Variants in FHIT observed in about 807,000 individuals in gnomAD.
FHIT encodes bis(5'-adenosyl)-triphosphatase.
FHIT carries 19 observed loss-of-function variants against 17.9 expected under a neutral mutation model. The ratio of observed to expected loss-of-function variants is 1.06; its 90% confidence interval spans 0.74 to 1.56. The LOEUF (loss-of-function observed/expected upper bound fraction) is 1.56. Ranked by LOEUF, FHIT falls within the 40% of genes most tolerant of loss-of-function variation. FHIT has a pLI of 0.00. For synonymous variants in FHIT, 81 were observed against 69.7 expected, an observed-to-expected ratio of 1.16 and a Z score of -0.81; for missense variants, 248 against 189.2, an observed-to-expected ratio of 1.31 and a Z score of -1.82.
chr3:60,722,519 C>T (rs1553708297), intron 4 of FHIT, among the ~76,000 whole-genome samples: 1 of 152,024 alleles, frequency 6.6e-6, no homozygotes, highest in Non-Finnish European at 1.5e-5. Context: ...GACACTTTGG[C>T]CTAGGTCATT....
intron 2 of FHIT, among the ~76,000 whole-genome samples, chr3:61,174,207 T>C (rs926084268): frequency 3.3e-5 from 5 of 152,190 alleles, no homozygotes; most frequent in African/African-American, 1.2e-4. Flanking sequence ...TTAAGTAACA[T>C]AAAAACTGAT....
At chr3:60,395,846 T>C (rs552212107) in intron 5 of FHIT, among the ~76,000 whole-genome samples, 3 of 152,286 alleles carry the variant, frequency 2.0e-5, no homozygotes, top group African/African-American at 4.8e-5. Context: ...CAATTATCAA[T>C]TGCCATTTTT....
intron 5 of FHIT, among the ~76,000 whole-genome samples, chr3:60,358,966 G>T (rs140473825): frequency 0.012 from 1,857 of 152,276 alleles, 32 homozygotes; most frequent in African/African-American, 0.043. Context: ...TCTATAGGAG[G>T]TGTTGAGGGC....
intron 8 of FHIT, among the ~76,000 whole-genome samples, chr3:59,839,331 A>C (rs1036753561): frequency 7.0e-6 from 1 of 143,344 alleles, no homozygotes; most frequent in African/African-American, 2.5e-5. Flanking sequence ...AAAAAAAAAA[A>C]CAAAAAGAAA....
At chr3:59,875,606 GTTT>G (rs962027730) in intron 8 of FHIT, among the ~76,000 whole-genome samples, 1 of 151,698 alleles carries the variant, frequency 6.6e-6, no homozygotes, top group Non-Finnish European at 1.5e-5. Context: ...TTGCTTACAA[GTTT>G]TTTTTTATAA....
chr3:60,627,902 T>G (rs1278298556), intron 4 of FHIT, among the ~76,000 whole-genome samples: 6 of 152,236 alleles, frequency 3.9e-5, no homozygotes, highest in Non-Finnish European at 7.3e-5. Flanking sequence ...AAGTTTTCTC[T>G]GGTTTGTTCA....
chr3:60,655,191 T>A (rs1166978060), intron 4 of FHIT, among the ~76,000 whole-genome samples: 1 of 152,110 alleles, frequency 6.6e-6, no homozygotes, highest in Non-Finnish European at 1.5e-5. Flanking sequence ...AGACCAGGAA[T>A]GTTGAAAAGT....
At chr3:61,162,679 T>C (rs2037731090) in intron 2 of FHIT, among the ~76,000 whole-genome samples, 1 of 152,224 alleles carries the variant, frequency 6.6e-6, no homozygotes. Context: ...TATTATCAGA[T>C]TCTGATTCTA....
At chr3:59,872,082 C>A (rs1351077963) in intron 8 of FHIT, among the ~76,000 whole-genome samples, 1 of 152,186 alleles carries the variant, frequency 6.6e-6, no homozygotes, top group Non-Finnish European at 1.5e-5. Flanking sequence ...GGAGTAGTCA[C>A]TGAAGCCACC....
At chr3:60,528,618 C>T (rs2035660626) in intron 5 of FHIT, among the ~76,000 whole-genome samples, 1 of 152,096 alleles carries the variant, frequency 6.6e-6, no homozygotes, top group Admixed American at 6.5e-5. Flanking sequence ...CTTAATTGGT[C>T]TTGAAGAACA....
At chr3:60,589,465 A>G (rs1254864183) in intron 4 of FHIT, among the ~76,000 whole-genome samples, 1 of 152,084 alleles carries the variant, frequency 6.6e-6, no homozygotes, top group Non-Finnish European at 1.5e-5. Flanking sequence ...ACACATTTAC[A>G]TCGTTCTTTT....
At chr3:59,928,994 CAAAAA>C (rs56107626) in intron 7 of FHIT, among the ~76,000 whole-genome samples, 1,533 of 32,916 alleles carry the variant, frequency 0.047, 15 homozygotes, top group African/African-American at 0.19. Flanking sequence ...GACTTCATCT[CAAAAA>C]AAAAAAAAAA....
intron 2 of FHIT, among the ~76,000 whole-genome samples, chr3:61,058,674 C>G (rs9857165): frequency 0.59 from 90,184 of 152,096 alleles, 27,947 homozygotes; most frequent in Non-Finnish European, 0.69. Flanking sequence ...CATGCTTCCT[C>G]TACAGCCTGT....
intron 8 of FHIT, among the ~76,000 whole-genome samples, chr3:59,762,567 T>C (rs527739934): frequency 1.3e-5 from 2 of 152,170 alleles, no homozygotes; most frequent in African/African-American, 4.8e-5. Context: ...TCCAAACAAA[T>C]TTGCTGTATG....
chr3:60,140,110 G>C (rs1301357113), intron 5 of FHIT, among the ~76,000 whole-genome samples: 1 of 151,262 alleles, frequency 6.6e-6, no homozygotes. Flanking sequence ...AACATAGTGA[G>C]ATTCCATCTC....
At chr3:59,904,205 A>G (rs1169847838) in intron 8 of FHIT, among the ~76,000 whole-genome samples, 7 of 146,144 alleles carry the variant, frequency 4.8e-5, no homozygotes, top group Admixed American at 2.9e-4. Context: ...AAAAGGAACA[A>G]TAATAACCAT....
At chr3:60,562,485 G>A (rs1440343821) in intron 4 of FHIT, among the ~76,000 whole-genome samples, 2 of 152,126 alleles carry the variant, frequency 1.3e-5, no homozygotes, top group African/African-American at 2.4e-5. Context: ...ATCCAGGAAG[G>A]GTGTTTGTCA....
chr3:59,872,217 C>CA (rs1221584674), intron 8 of FHIT, among the ~76,000 whole-genome samples: 3 of 152,092 alleles, frequency 2.0e-5, no homozygotes. Flanking sequence ...TCTTGGGCTT[C>CA]ATTTTGGGAG....
chr3:61,026,908 C>T (rs972599213), intron 3 of FHIT, among the ~76,000 whole-genome samples: 3 of 152,190 alleles, frequency 2.0e-5, no homozygotes, highest in African/African-American at 7.2e-5. Flanking sequence ...CAGTTGCCTA[C>T]TGGAGCTGCC....
Sources: allele counts gnomAD v4.1 joint callset (sites outside exome capture counted in the v4.1 genomes callset), GRCh38; gene constraint gnomAD v4.1.1; transcripts MANE v1.5; gene names NCBI Gene and HGNC (gene_info 2026-07-23, HGNC 2026-07-21).